Variants in PXDN observed in about 807,000 individuals in gnomAD.
PXDN encodes the protein peroxidasin.
A neutral mutation model predicts 140.3 loss-of-function variants in PXDN; 77 were observed. That is an observed-to-expected ratio of 0.55 (90% CI 0.46 to 0.66). PXDN has a LOEUF of 0.66. Ranked by LOEUF, PXDN falls within the 30% of genes least tolerant of loss-of-function variation. The pLI is 0.00. For synonymous variants in PXDN, 911 were observed against 857.4 expected, an observed-to-expected ratio of 1.06 and a Z score of -1.09; for missense variants, 1,838 against 2,039.5, an observed-to-expected ratio of 0.90 and a Z score of 1.90.
chr2:1,728,401 G>C (rs1381506176), intron 1 of PXDN, among the ~76,000 whole-genome samples: 1 of 152,232 alleles, frequency 6.6e-6, no homozygotes, highest in Non-Finnish European at 1.5e-5. Flanking sequence ...CAGTCCCTCC[G>C]CATTATTTGC....
At chr2:1,686,057 A>G (rs1279064718) in intron 4 of PXDN, among the ~76,000 whole-genome samples, 2 of 152,158 alleles carry the variant, frequency 1.3e-5, no homozygotes, top group African/African-American at 4.8e-5. Context: ...CCAGGAATGC[A>G]TGTTTTCAAT....
At chr2:1,667,121 G>T (rs1683462401) in intron 9 of PXDN, among the ~76,000 whole-genome samples, 1 of 151,986 alleles carries the variant, frequency 6.6e-6, no homozygotes, top group South Asian at 2.1e-4. Flanking sequence ...AAATGACCCT[G>T]CCAAACAAAA....
Position 1,648,196 on chromosome 2 carries a change from G to C in PXDN, c.3584C>G (p.Pro1195Arg), listed in dbSNP as rs753052093. 6.2e-7 allele frequency: 1 copy of C among 1,612,550 alleles called. No homozygotes were observed. The highest frequency in any genetic ancestry group is 1.1e-5 in the South Asian group (1 of 91,068). ...FEDLKNEIKN[P>R]EIREKLKRLY... ...CCTTTTCAGTTTCTCCCGGATCTCAGGGTTTTTAATCTCATTTTTCAGGTC... is the reference window on the plus strand; with the variant it reads ...CCTTTTCAGTTTCTCCCGGATCTCACGGTTTTTAATCTCATTTTTCAGGTC... The change falls in exon 17 of 23, where the codon CCT (proline) becomes CGT (arginine). Residue 1195 changes from proline to arginine, a missense_variant. Pro to Arg is a moderately radical substitution (Grantham distance 103). Around this residue, in one of 5 missense-constraint regions of PXDN, gnomAD observed 850 missense variants for 894.1 expected, o/e 0.95. Transcript: ENST00000252804. The surrounding 1 kb of genome is among the most constrained non-coding windows in gnomAD (Gnocchi z 8.9).
chr2:1,669,216 C>T (rs543391027), intron 9 of PXDN, among the ~76,000 whole-genome samples: 78 of 152,216 alleles, frequency 5.1e-4, no homozygotes, highest in African/African-American at 1.8e-3. Flanking sequence ...AACCAAACAC[C>T]GCATGTTCTC....
intron 19 of PXDN, among the ~76,000 whole-genome samples, chr2:1,642,284 C>T (rs1318183295): frequency 6.6e-6 from 1 of 152,164 alleles, no homozygotes; most frequent in Non-Finnish European, 1.5e-5. Context: ...GGCACGCACT[C>T]TCTTAGAAGA....
intron 22 of PXDN, 29 bp downstream of exon 22, chr2:1,635,379 G>C: frequency 6.5e-7 from 1 of 1,536,588 alleles, no homozygotes; most frequent in Non-Finnish European, 8.8e-7. Flanking sequence ...TATACCTTAG[G>C]ACATGAAGAT....
At chr2:1,658,062 CTCTCT>C (rs1683200455) in intron 14 of PXDN, among the ~76,000 whole-genome samples, 2 of 110,774 alleles carry the variant, frequency 1.8e-5, no homozygotes, top group East Asian at 6.0e-4. Flanking sequence ...CTCTCTCTCT[CTCTCT>C]CTCTCTCTCT....
chr2:1,654,378 C>T lies in PXDN; in HGVS notation c.1946+22G>A, dbSNP rs370410394. 142 of 1,550,442 alleles carry T rather than the reference C, an allele frequency of 9.2e-5. No individual in the cohort carries two copies. The African/African-American group carries it at 1.4e-3, about 15-fold the overall frequency. On this transcript the variant is annotated intron_variant, in intron 15 of 22. Coordinates refer to ENST00000252804, the MANE Select transcript of PXDN (RefSeq NM_012293.3). ...TAAAGCTCAGTGATTTGAGGGTCAG[C>T]GTGTTTACAGCCCCACGATACCTGT...
At chr2:1,641,796 A>G (rs569941322) in intron 19 of PXDN, among the ~76,000 whole-genome samples, 1 of 152,362 alleles carries the variant, frequency 6.6e-6, no homozygotes, top group South Asian at 2.1e-4. Context: ...TTTCTTAGCA[A>G]AAGAACAGAA....
rs868245959 is a variant in PXDN at position 1,719,873 on chromosome 2, T to A, written c.200+24383A>T. Among the ~76,000 whole-genome samples the A allele has an allele frequency of 1.9e-4, 21 of 107,820 alleles. 1 individual carries two copies. The highest frequency in any genetic ancestry group is 9.2e-4 in the South Asian group (3 of 3,252). 70.7% of individuals were successfully genotyped at this position (107,820 alleles called of 152,430 possible). The stretch of plus-strand genomic sequence containing the variant: ...GTGTGTGTGTGTGTGTGTGTGTGTG[T>A]GAAAGAGAGAGAGGGAGGGAGATTC... On this transcript the variant is annotated intron_variant, in intron 1 of 22. Transcript: ENST00000252804.
At chr2:1,640,415 A>AG (rs1682697590) in intron 19 of PXDN, among the ~76,000 whole-genome samples, 1 of 152,234 alleles carries the variant, frequency 6.6e-6, no homozygotes, top group Non-Finnish European at 1.5e-5. Flanking sequence ...ACCCCATGCT[A>AG]GCTTTCCTGT....
chr2:1,679,425 TGTGTGTGTATGTGC>T (rs1304969335), intron 7 of PXDN, among the ~76,000 whole-genome samples: 1 of 133,674 alleles, frequency 7.5e-6, no homozygotes, highest in Admixed American at 7.6e-5. Context: ...GTGTGTGGTG[TGTGTGTGTATGTGC>T]GTGTGTGTGT....
chr2:1,719,345 A>G (rs1375697661), intron 1 of PXDN, among the ~76,000 whole-genome samples: 1 of 152,192 alleles, frequency 6.6e-6, no homozygotes, highest in Non-Finnish European at 1.5e-5. Context: ...GCTCTGTCCC[A>G]GGCCCTCCTG....
chr2:1,737,204 C>T (rs918135416), intron 1 of PXDN, among the ~76,000 whole-genome samples: 6 of 152,286 alleles, frequency 3.9e-5, no homozygotes, highest in Non-Finnish European at 5.9e-5. Context: ...CTCAGACGCC[C>T]GGAGGACGGC....
At chr2:1,711,469 CCCGCT>C (rs1684776585) in intron 1 of PXDN, among the ~76,000 whole-genome samples, 4 of 84,758 alleles carry the variant, frequency 4.7e-5, no homozygotes, top group African/African-American at 9.0e-5. Flanking sequence ...TCCACCAGCA[CCCGCT>C]CCACCAGCAC....
At chr2:1,665,216 G>A in intron 10 of PXDN, 142 bp from the exon 11 acceptor site, 1 of 672,340 alleles carries the variant, frequency 1.5e-6, no homozygotes, top group East Asian at 2.7e-5. Flanking sequence ...AGAGGCAGAG[G>A]GCACAGGAGA....
chr2:1,649,371 G>T lies in PXDN; in HGVS notation c.2409C>A (p.Ile803=). The change falls in exon 17 of 23, where the codon ATC becomes ATA. Residue 803 remains isoleucine (I), a synonymous_variant. Coordinates refer to ENST00000252804, the MANE Select transcript of PXDN (RefSeq NM_012293.3). The surrounding 1 kb of genome is among the most constrained non-coding windows in gnomAD (Gnocchi z 7.1). ...PMPRLVSTTL[I]GTETVTPDEQ... ...CGTCGGGTGTGACGGTCTCCGTCCC[G>T]ATCAGGGTGGTGGACACCAGGCGCG... 6.2e-7 allele frequency: 1 copy of T among 1,613,980 alleles called. No individual in the cohort carries two copies. Among genetic ancestry groups the T allele is most frequent in the Non-Finnish European group, 8.5e-7 (1 of 1,179,892 alleles).
At chr2:1,663,120 G>A (rs988694971) in intron 12 of PXDN, among the ~76,000 whole-genome samples, 7 of 152,258 alleles carry the variant, frequency 4.6e-5, no homozygotes, top group Admixed American at 6.5e-5. Flanking sequence ...AGGCAAAGGC[G>A]ACATCCAAAA....
rs1471201925 is a variant in PXDN at position 1,680,305 on chromosome 2, C to T, written c.618G>A (p.Leu206=). The T allele has an allele frequency of 5.6e-6, 9 of 1,613,902 alleles. No homozygotes were observed. Among genetic ancestry groups the T allele is most frequent in the Non-Finnish European group, 7.6e-6 (9 of 1,179,904 alleles). Residue 206 remains leucine (L), a synonymous_variant, in exon 7 of 23, where the codon TTG becomes TTA. Coordinates refer to ENST00000252804, the MANE Select transcript of PXDN (RefSeq NM_012293.3). ...TCCCCGACTCCGCGTAGGTTTTCAGCAAATCCGCCAACCACAGGATTTCAC... is the reference window on the plus strand; with the variant it reads ...TCCCCGACTCCGCGTAGGTTTTCAGTAAATCCGCCAACCACAGGATTTCAC... The part of the protein sequence containing the change: ...CDCEILWLAD[L]LKTYAESGNA...
Sources: gnomAD v4.1 joint callset for allele counts (sites outside exome capture counted in the v4.1 genomes callset) on GRCh38, gnomAD v4.1.1 for gene constraint, gnomAD v4.1.1 regional missense constraint, Gnocchi (gnomAD v3.1) non-coding constraint, MANE v1.5 for transcripts, NCBI Gene and HGNC (gene_info 2026-07-23, HGNC 2026-07-21) for gene names.